Variants in ACYP1 observed in about 807,000 individuals in gnomAD.
ACYP1 encodes the protein acylphosphatase-1.
In ACYP1, 8 loss-of-function variants were observed where a neutral mutation model predicts 10.4. That is an observed-to-expected ratio of 0.77 (90% CI 0.45 to 1.38). ACYP1 has a LOEUF of 1.38. Ranked by LOEUF, ACYP1 falls within the 40% of genes most tolerant of loss-of-function variation. ACYP1 has a pLI of 0.00. For missense variants in ACYP1, 93 were observed against 117.3 expected, an observed-to-expected ratio of 0.79 and a Z score of 0.96; for synonymous variants, 38 against 40.8, an observed-to-expected ratio of 0.93 and a Z score of 0.26.
intron 2 of ACYP1, among the ~76,000 whole-genome samples, chr14:75,061,277 A>T (rs1166579169): frequency 2.0e-5 from 3 of 152,198 alleles, no homozygotes; most frequent in African/African-American, 7.2e-5. Context: ...TATACACTTT[A>T]GGAGGATGGG....
chr14:75,069,218 C>T (rs1374031313), exon 1 of ACYP1: 1 of 1,512,814 alleles, frequency 6.6e-7, no homozygotes, highest in Admixed American at 2.1e-5. Flanking sequence ...ACCTGGGGCC[C>T]GCCCAGCGCA....
chr14:75,069,361 G>T, exon 1 of ACYP1: 2 of 1,194,116 alleles, frequency 1.7e-6, no homozygotes, highest in Non-Finnish European at 2.2e-6. Context: ...ACACCCCAAG[G>T]TCTGGGAGCG....
chr14:75,059,331 C>T (rs1441668489), intron 2 of ACYP1, among the ~76,000 whole-genome samples: 1 of 151,854 alleles, frequency 6.6e-6, no homozygotes, highest in African/African-American at 2.4e-5. Context: ...AACCCAGTTG[C>T]TACAAAAAAC....
At chr14:75,060,807 T>C (rs2139654586) in intron 2 of ACYP1, among the ~76,000 whole-genome samples, 1 of 152,170 alleles carries the variant, frequency 6.6e-6, no homozygotes, top group East Asian at 1.9e-4. Context: ...GGCTCATGCG[T>C]GTAATCCCAG....
At chr14:75,054,268 A>T (rs1448290648) in intron 2 of ACYP1, among the ~76,000 whole-genome samples, 27 of 146,084 alleles carry the variant, frequency 1.8e-4, no homozygotes, top group Admixed American at 1.4e-3. Flanking sequence ...TTCCTAGAAA[A>T]GGAAAGCAGC....
chr14:75,064,237 TCTCAGTCAACAAGCGCAACC>T (rs1893104692), upstream of ACYP1: 1 of 154,120 alleles, frequency 6.5e-6, no homozygotes, highest in African/African-American at 2.4e-5. Flanking sequence ...CCTCATCGCA[TCTCAGTCAACAAGCGCAACC>T]CTCTTCTCAT....
At chr14:75,062,079 C>CAAAAAAAAAAA (rs1893030860) in intron 2 of ACYP1, among the ~76,000 whole-genome samples, 1 of 41,132 alleles carries the variant, frequency 2.4e-5, no homozygotes. Flanking sequence ...CCAGCCTGGG[C>CAAAAAAAAAAA]AAAAAGAATG....
upstream of ACYP1, among the ~76,000 whole-genome samples, chr14:75,068,971 G>C (rs1288362922): frequency 6.6e-6 from 1 of 152,230 alleles, no homozygotes; most frequent in African/African-American, 2.4e-5. Context: ...GTTGAAGCCA[G>C]GTTATACTGA....
chr14:75,066,571 A>C (rs1893145619), upstream of ACYP1, among the ~76,000 whole-genome samples: 1 of 152,336 alleles, frequency 6.6e-6, no homozygotes, highest in South Asian at 2.1e-4. Flanking sequence ...ACATTGCAGA[A>C]GTAAACTCAA....
chr14:75,069,080 CATT>C (rs1263884443), intron 1 of ACYP1: 9 of 954,016 alleles, frequency 9.4e-6, no homozygotes, highest in African/African-American at 1.7e-5. Context: ...GTGAGTAAAA[CATT>C]ATAATATCAA....
intron 2 of ACYP1, 138 bp downstream of exon 2, chr14:75,063,331 CT>C: frequency 1.5e-6 from 1 of 674,470 alleles, no homozygotes. Flanking sequence ...CATTTTCATA[CT>C]CATTGCTCTA....
intron 2 of ACYP1, 49 bp downstream of exon 2, chr14:75,063,421 C>A: frequency 6.7e-7 from 1 of 1,500,386 alleles, no homozygotes; most frequent in South Asian, 1.1e-5. Flanking sequence ...GTCCCTTGTT[C>A]CTATGCCCAC....
rs369890348 is a variant in ACYP1 at position 75,059,029 on chromosome 14, C to T, written c.84+4441G>A. 2.6e-5 allele frequency among the ~76,000 whole-genome samples: 4 copies of T among 150,980 alleles called. 1 individual carries two copies. The South Asian group carries it at 8.4e-4, about 32-fold the overall frequency. The stretch of plus-strand genomic sequence containing the variant: ...TCTGACCAACATGGTGAAACCCCGT[C>T]GCTACTAAAAATGCAAAAATTAGTT... On this transcript the variant is annotated intron_variant, in intron 2 of 2. Transcript: ENST00000238618.
At chr14:75,064,645 A>G (rs1358671320), upstream of ACYP1, among the ~76,000 whole-genome samples, 1 of 152,108 alleles carries the variant, frequency 6.6e-6, no homozygotes, top group Non-Finnish European at 1.5e-5. Flanking sequence ...GAGGCAGGAG[A>G]ATCGCTTGAA....
chr14:75,063,216 A>G, intron 2 of ACYP1: 2 of 471,978 alleles, frequency 4.2e-6, no homozygotes, highest in Non-Finnish European at 7.8e-6. Flanking sequence ...TTTCCCTTGG[A>G]AGAGAGAAGC....
chr14:75,062,659 C>T (rs376384134), intron 2 of ACYP1, among the ~76,000 whole-genome samples: 1 of 103,420 alleles, frequency 9.7e-6, no homozygotes, highest in African/African-American at 3.5e-5. Context: ...ACTAAAAATA[C>T]AAAAAAAAAA....
intron 2 of ACYP1, among the ~76,000 whole-genome samples, chr14:75,061,001 AGGTTG>A: frequency 6.6e-6 from 1 of 152,156 alleles, no homozygotes; most frequent in African/African-American, 2.4e-5. Flanking sequence ...CAGGAGGCAG[AGGTTG>A]CAGTGAGCCG....
At chr14:75,056,161 G>A (rs1892872462) in intron 2 of ACYP1, among the ~76,000 whole-genome samples, 1 of 151,072 alleles carries the variant, frequency 6.6e-6, no homozygotes, top group Admixed American at 6.6e-5. Flanking sequence ...GGACCAGATG[G>A]CTTCATGGGT....
At chr14:75,061,649 T>C in intron 2 of ACYP1, 1 of 1,478,760 alleles carries the variant, frequency 6.8e-7, no homozygotes, top group Non-Finnish European at 9.3e-7. Context: ...TCTTTGAAGC[T>C]GTTATCTCAA....
Sources: gnomAD v4.1 joint callset for allele counts (sites outside exome capture counted in the v4.1 genomes callset) on GRCh38, gnomAD v4.1.1 for gene constraint, MANE v1.5 for transcripts, NCBI Gene and HGNC (gene_info 2026-07-23, HGNC 2026-07-21) for gene names.